The following SYT17 variants were observed in gnomAD, a reference collection of about 807,000 sequenced individuals.
SYT17 encodes the protein synaptotagmin-17.
A neutral mutation model predicts 46.7 loss-of-function variants in SYT17; 22 were observed. That is an observed-to-expected ratio of 0.47 (90% CI 0.34 to 0.67). SYT17 has a LOEUF of 0.67. Ranked by LOEUF, SYT17 falls within the 30% of genes least tolerant of loss-of-function variation. The pLI is 0.01. For synonymous variants in SYT17, 251 were observed against 248.4 expected (o/e 1.01, Z -0.10); for missense variants, 519 against 612.8 (o/e 0.85, Z 1.62).
chr16:19,195,724 C>T (rs1965212294), intron 5 of SYT17, among the ~76,000 whole-genome samples: 1 of 151,830 alleles, frequency 6.6e-6, no homozygotes, highest in Non-Finnish European at 1.5e-5. Flanking sequence ...CATCTCACTC[C>T]TGTAATCCTA....
chr16:19,234,854 G>T (rs1440201111), intron 7 of SYT17, among the ~76,000 whole-genome samples: 2 of 152,186 alleles, frequency 1.3e-5, no homozygotes, highest in East Asian at 3.8e-4. Context: ...TGCTTTGGAG[G>T]TATTTAATAG....
In SYT17 at chr16:19,202,081, G is replaced by T. The variant is rs947583183; in HGVS notation, c.951+17934G>T. On this transcript the variant is annotated intron_variant, in intron 5 of 7. Coordinates refer to ENST00000355377, the MANE Select transcript of SYT17 (RefSeq NM_016524.4). The stretch of plus-strand genomic sequence containing the variant: ...TACCAACCACTTCTCCATTTCTCTG[G>T]ACACCAACTTGGTGTCCTTCAATTC... Among the ~76,000 whole-genome samples the T allele has an allele frequency of 2.6e-5, 4 of 151,904 alleles. No homozygotes were observed. The East Asian group carries it at 7.7e-4, about 29-fold the overall frequency.
intron 7 of SYT17, among the ~76,000 whole-genome samples, chr16:19,258,707 TGA>T (rs1227636167): frequency 6.6e-6 from 1 of 152,072 alleles, no homozygotes; most frequent in Non-Finnish European, 1.5e-5. Flanking sequence ...ATATTTAGTG[TGA>T]GATGATAGGA....
At chr16:19,177,842 A>T (rs1419343661) in intron 3 of SYT17, among the ~76,000 whole-genome samples, 1 of 152,176 alleles carries the variant, frequency 6.6e-6, no homozygotes, top group Admixed American at 6.5e-5. Context: ...AAGTTGGTTG[A>T]TTGTTTGTCG....
intron 5 of SYT17, among the ~76,000 whole-genome samples, chr16:19,197,446 G>GT (rs397741007): frequency 0.014 from 2,146 of 149,154 alleles, 26 homozygotes; most frequent in Non-Finnish European, 0.02. Flanking sequence ...TTGTTTGTTT[G>GT]TTATTATTAT....
chr16:19,203,843 C>T (rs766762183), intron 5 of SYT17, among the ~76,000 whole-genome samples: 12 of 152,162 alleles, frequency 7.9e-5, no homozygotes, highest in Non-Finnish European at 1.5e-4. Flanking sequence ...GGGTGGGCTG[C>T]GCATGGGATG....
At chr16:19,233,306 G>A (rs1035594662) in intron 7 of SYT17, among the ~76,000 whole-genome samples, 1 of 152,166 alleles carries the variant, frequency 6.6e-6, no homozygotes. Context: ...CAGCATGCCA[G>A]CCTCTTGCTT....
intron 5 of SYT17, 92 bp from the exon 6 acceptor site, chr16:19,222,953 G>C: frequency 6.5e-7 from 1 of 1,549,600 alleles, no homozygotes; most frequent in South Asian, 1.2e-5. Flanking sequence ...ACAGCAACCT[G>C]TTTGTGAGCT....
At chr16:19,241,194 G>A (rs893237038) in intron 7 of SYT17, among the ~76,000 whole-genome samples, 3 of 151,918 alleles carry the variant, frequency 2.0e-5, no homozygotes, top group African/African-American at 7.3e-5. Flanking sequence ...TGATCCGCCC[G>A]CCTCGGCCTC....
intron 3 of SYT17, among the ~76,000 whole-genome samples, chr16:19,174,852 C>G (rs907473126): frequency 2.0e-5 from 3 of 152,196 alleles, no homozygotes; most frequent in Non-Finnish European, 4.4e-5. Context: ...CGCAGTGGCT[C>G]ATGCCTGTAA....
At position 19,184,728 on chromosome 16, in the gene SYT17, C is replaced by A. The variant is rs140218287; in HGVS notation, c.951+581C>A. On this transcript the variant is annotated intron_variant, in intron 5 of 7. Transcript: ENST00000355377. ...CCTGTAACCACCACCACTCTGGAAGCCTTTTTTAAATCATCGATGCTGAGT... is the reference window on the plus strand; with the variant it reads ...CCTGTAACCACCACCACTCTGGAAGACTTTTTTAAATCATCGATGCTGAGT... Among the ~76,000 whole-genome samples the A allele has an allele frequency of 2.6e-4, 39 of 152,238 alleles. No individual in the cohort carries two copies. The East Asian group carries it at 7.5e-3, about 29-fold the overall frequency.
intron 3 of SYT17, among the ~76,000 whole-genome samples, chr16:19,174,473 G>A (rs1596885209): frequency 6.6e-6 from 1 of 152,176 alleles, no homozygotes. Flanking sequence ...AGGAGGCAGC[G>A]CTGTTTCAGC....
At chr16:19,179,515 C>T (rs1175804534) in intron 3 of SYT17, among the ~76,000 whole-genome samples, 1 of 152,200 alleles carries the variant, frequency 6.6e-6, no homozygotes, top group Non-Finnish European at 1.5e-5. Context: ...GATCCTCCTG[C>T]CTTGGCCTCC....
At chr16:19,216,362 T>C (rs145080645) in intron 5 of SYT17, among the ~76,000 whole-genome samples, 1 of 149,242 alleles carries the variant, frequency 6.7e-6, no homozygotes, top group East Asian at 1.9e-4. Flanking sequence ...GATTAATACT[T>C]GAGCCCTACA....
At chr16:19,236,539 G>A (rs1287214081) in intron 7 of SYT17, among the ~76,000 whole-genome samples, 1 of 152,142 alleles carries the variant, frequency 6.6e-6, no homozygotes, top group African/African-American at 2.4e-5. Context: ...CAGGGCCCCT[G>A]TGACCTCCCT....
At chr16:19,190,768 CTGTGTGTG>C (rs56947560) in intron 5 of SYT17, among the ~76,000 whole-genome samples, 32,082 of 144,648 alleles carry the variant, frequency 0.22, 3,567 homozygotes, top group South Asian at 0.26. Context: ...AATAATATTC[CTGTGTGTG>C]TGTGTGTGTG....
intron 7 of SYT17, among the ~76,000 whole-genome samples, chr16:19,252,158 T>TCAAAACAAAACAAAA (rs563439382): frequency 1.4e-5 from 2 of 146,856 alleles, no homozygotes; most frequent in African/African-American, 5.2e-5. Context: ...CAAAACTGTC[T>TCAAAACAAAACAAAA]CAAAACAAAA....
chr16:19,214,599 T>A (rs368891914), intron 5 of SYT17, among the ~76,000 whole-genome samples: 1 of 152,074 alleles, frequency 6.6e-6, no homozygotes, highest in African/African-American at 2.4e-5. Context: ...GTCCCTAGAT[T>A]GTTAGAGCCG....
At chr16:19,214,363 G>A (rs1966012359) in intron 5 of SYT17, among the ~76,000 whole-genome samples, 1 of 151,748 alleles carries the variant, frequency 6.6e-6, no homozygotes, top group Non-Finnish European at 1.5e-5. Flanking sequence ...GAGACCATGT[G>A]TTGCTCTGTT....
Sources: gnomAD v4.1 joint callset for allele counts (sites outside exome capture counted in the v4.1 genomes callset) on GRCh38, gnomAD v4.1.1 for gene constraint, MANE v1.5 for transcripts, NCBI Gene and HGNC (gene_info 2026-07-23, HGNC 2026-07-21) for gene names.